CHRM2: variants seen among roughly 807,000 people sequenced by gnomAD.
CHRM2 encodes cholinergic receptor muscarinic 2, also known as muscarinic acetylcholine receptor M2.
Under a neutral mutation model 25.0 loss-of-function variants are expected in CHRM2, and 8 were observed. The ratio of observed to expected loss-of-function variants is 0.32; its 90% CI spans 0.19 to 0.58. CHRM2 has a LOEUF of 0.58. Ranked by LOEUF, CHRM2 falls within the 20% of genes least tolerant of loss-of-function variation. The pLI, the probability that CHRM2 is intolerant of heterozygous loss-of-function variation, is 0.88. For synonymous variants in CHRM2, 202 were observed against 205.7 expected (o/e 0.98, Z 0.15); for missense variants, 440 against 567.1 (o/e 0.78, Z 2.28).
At chr7:136,953,143 G>A (rs755680309) in intron 2 of CHRM2, among the ~76,000 whole-genome samples, 8 of 152,072 alleles carry the variant, frequency 5.3e-5, no homozygotes, top group Admixed American at 2.0e-4. Context: ...GGTCTTTGAG[G>A]AATCGCCACA....
At position 136,876,289 on chromosome 7, in the gene CHRM2, T is replaced by G. The variant is rs567186248; in HGVS notation, c.-125+6871T>G. Among the ~76,000 whole-genome samples the G allele has an allele frequency of 6.7e-4, 102 of 152,280 alleles. 1 individual carries two copies. The highest frequency in any genetic ancestry group is 2.4e-3 in the African/African-American group (99 of 41,562). On this transcript the variant is annotated intron_variant, in intron 2 of 3. Transcript: ENST00000680005. ...AGGCAACTTGGATGGTTTTATCTGG[T>G]GCTGGTAGTAGAGTAACAGCTAGAA...
chr7:136,950,274 T>A (rs569015719), intron 2 of CHRM2, among the ~76,000 whole-genome samples: 1 of 152,288 alleles, frequency 6.6e-6, no homozygotes, highest in East Asian at 1.9e-4. Context: ...TCGTTCCTCA[T>A]CAGGACAAGT....
intron 2 of CHRM2, among the ~76,000 whole-genome samples, chr7:136,962,327 G>A (rs922823082): frequency 6.6e-6 from 1 of 152,076 alleles, no homozygotes; most frequent in Non-Finnish European, 1.5e-5. Flanking sequence ...TAGAGACAGG[G>A]TTTCGCCGTG....
At chr7:136,955,779 A>C (rs2130871769) in intron 2 of CHRM2, among the ~76,000 whole-genome samples, 1 of 152,344 alleles carries the variant, frequency 6.6e-6, no homozygotes, top group African/African-American at 2.4e-5. Flanking sequence ...GAAAAATATT[A>C]TCATAAAATG....
At chr7:136,870,415 G>A (rs1235796034) in intron 2 of CHRM2, 2 of 152,548 alleles carry the variant, frequency 1.3e-5, no homozygotes, top group African/African-American at 4.8e-5. Flanking sequence ...CACGGGGTAA[G>A]TAGAGACTCA....
At chr7:136,903,769 T>A (rs577788633) in intron 2 of CHRM2, among the ~76,000 whole-genome samples, 166 of 152,030 alleles carry the variant, frequency 1.1e-3, no homozygotes, top group African/African-American at 3.9e-3. Context: ...GCTGAAACAG[T>A]CATTCTTGTG....
At chr7:136,903,243 A>G (rs765224769) in intron 2 of CHRM2, 1 of 534,254 alleles carries the variant, frequency 1.9e-6, no homozygotes, top group Non-Finnish European at 3.8e-6. Flanking sequence ...GAGATGCACC[A>G]ACCTGGAGGA....
At chr7:136,942,910 C>T (rs1280036972) in intron 2 of CHRM2, among the ~76,000 whole-genome samples, 3 of 151,304 alleles carry the variant, frequency 2.0e-5, no homozygotes, top group Non-Finnish European at 4.4e-5. Context: ...TATTTTCTAA[C>T]CCCTTACTGT....
chr7:136,874,049 A>G (rs1192980742), intron 2 of CHRM2, among the ~76,000 whole-genome samples: 1 of 152,232 alleles, frequency 6.6e-6, no homozygotes, highest in Admixed American at 6.5e-5. Flanking sequence ...GAAGCAGATC[A>G]AGAGACTTTT....
chr7:136,903,331 T>C (rs745688762), intron 2 of CHRM2: 6 of 481,402 alleles, frequency 1.2e-5, no homozygotes, highest in South Asian at 3.3e-5. Flanking sequence ...GTGTCTTCTA[T>C]AGTGTATGTG....
At chr7:136,889,300 A>G (rs1180305687) in intron 2 of CHRM2, among the ~76,000 whole-genome samples, 2 of 152,080 alleles carry the variant, frequency 1.3e-5, no homozygotes, top group African/African-American at 4.8e-5. Flanking sequence ...ACCACTTCTT[A>G]TGTAAGGGTC....
chr7:136,998,703 CAG>C (rs1484700555), intron 3 of CHRM2, among the ~76,000 whole-genome samples: 3 of 152,132 alleles, frequency 2.0e-5, no homozygotes, highest in African/African-American at 7.2e-5. Context: ...TAAAAACAAA[CAG>C]ATCAACGTGA....
At chr7:136,919,248 T>C (rs1798291461) in intron 2 of CHRM2, among the ~76,000 whole-genome samples, 1 of 152,160 alleles carries the variant, frequency 6.6e-6, no homozygotes, top group Non-Finnish European at 1.5e-5. Flanking sequence ...TATGCACTTT[T>C]AAATTTAAAA....
intron 2 of CHRM2, among the ~76,000 whole-genome samples, chr7:136,900,077 C>T (rs1204195924): frequency 6.6e-6 from 1 of 152,032 alleles, no homozygotes; most frequent in Non-Finnish European, 1.5e-5. Flanking sequence ...AACAAACTCA[C>T]ATACCTAGTG....
chr7:136,925,723 C>T lies in CHRM2; in HGVS notation c.-125+56305C>T, dbSNP rs142391123. 4.8e-3 allele frequency among the ~76,000 whole-genome samples: 736 copies of T among 152,302 alleles called. 5 individuals are homozygous for T. Among genetic ancestry groups the T allele is most frequent in the African/African-American group, 0.017 (690 of 41,564 alleles). Reference sequence around the variant, plus strand: ...ATTCAGGGCTTTTTAGCTAAAACAGCTCTTGACTCACTTTCAAGTCTCCTT... The same window carrying T: ...ATTCAGGGCTTTTTAGCTAAAACAGTTCTTGACTCACTTTCAAGTCTCCTT... On this transcript the variant is annotated intron_variant, in intron 2 of 3. Coordinates refer to ENST00000680005, the MANE Select transcript of CHRM2 (RefSeq NM_001006630.2).
intron 3 of CHRM2, among the ~76,000 whole-genome samples, chr7:137,003,923 G>A (rs752916483): frequency 3.3e-5 from 5 of 151,970 alleles, no homozygotes; most frequent in Non-Finnish European, 7.4e-5. Flanking sequence ...CCTTTTGCTC[G>A]GCACTTCTCT....
intron 3 of CHRM2, among the ~76,000 whole-genome samples, chr7:137,008,659 T>C (rs149081939): frequency 1.3e-5 from 2 of 151,938 alleles, no homozygotes; most frequent in African/African-American, 4.8e-5. Flanking sequence ...AAAAAATCTG[T>C]AGGAAGCATG....
chr7:136,885,819 G>C (rs1796440166), intron 2 of CHRM2, among the ~76,000 whole-genome samples: 1 of 152,174 alleles, frequency 6.6e-6, no homozygotes, highest in African/African-American at 2.4e-5. Flanking sequence ...TAAAGCACTA[G>C]AGAGTCAATG....
At chr7:137,012,805 G>A (rs1434327270) in intron 3 of CHRM2, among the ~76,000 whole-genome samples, 1 of 151,812 alleles carries the variant, frequency 6.6e-6, no homozygotes, top group Non-Finnish European at 1.5e-5. Context: ...CCTAAATGTG[G>A]CATTCCTGAG....
Sources: allele counts gnomAD v4.1 joint callset (sites outside exome capture counted in the v4.1 genomes callset), GRCh38; gene constraint gnomAD v4.1.1; transcripts MANE v1.5; gene names NCBI Gene and HGNC (gene_info 2026-07-23, HGNC 2026-07-21).